Variants in SLC9A9 observed in about 807,000 individuals in gnomAD.
SLC9A9 encodes the protein solute carrier family 9 member A9.
A neutral mutation model predicts 77.8 loss-of-function variants in SLC9A9; 62 were observed. That is an observed-to-expected ratio of 0.80 (90% CI 0.65 to 0.98). The LOEUF (loss-of-function observed/expected upper bound fraction) is 0.98, where lower values mean the gene tolerates loss of function less well. Among genes scored for constraint, SLC9A9 ranks in the 50% least tolerant of loss-of-function variants. The pLI is 0.00. For synonymous variants in SLC9A9, 320 were observed against 283.5 expected (o/e 1.13, Z -1.29); for missense variants, 775 against 774.9 (o/e 1.00, Z 0.00).
chr3:143,589,025 CA>C (rs1196388036), intron 6 of SLC9A9, among the ~76,000 whole-genome samples: 2 of 152,100 alleles, frequency 1.3e-5, no homozygotes, highest in Non-Finnish European at 2.9e-5. Context: ...GATGGAAATC[CA>C]GCTAAAGTTA....
intron 12 of SLC9A9, among the ~76,000 whole-genome samples, chr3:143,429,507 A>G (rs2034470711): frequency 1.3e-5 from 2 of 152,212 alleles, no homozygotes; most frequent in African/African-American, 4.8e-5. Flanking sequence ...AGCAGAGTGG[A>G]AAGAGAAGTC....
At chr3:143,832,372 C>T in intron 1 of SLC9A9, 151 bp from the exon 2 acceptor site, 2 of 668,216 alleles carry the variant, frequency 3.0e-6, no homozygotes, top group Admixed American at 2.7e-5. Flanking sequence ...TGCATGGATA[C>T]CAGTTCAACA....
chr3:143,821,402 T>C (rs960195167), intron 2 of SLC9A9, among the ~76,000 whole-genome samples: 2 of 152,230 alleles, frequency 1.3e-5, no homozygotes, highest in Admixed American at 1.3e-4. Flanking sequence ...GTAAATCTCA[T>C]CTCAGAGATG....
intron 12 of SLC9A9, among the ~76,000 whole-genome samples, chr3:143,449,818 A>AT (rs1178303354): frequency 0.022 from 887 of 41,004 alleles, 77 homozygotes; most frequent in African/African-American, 0.13. Flanking sequence ...ATAATTATAT[A>AT]TTTACATATA....
intron 12 of SLC9A9, among the ~76,000 whole-genome samples, chr3:143,396,557 C>T (rs923853500): frequency 2.0e-5 from 3 of 152,072 alleles, no homozygotes; most frequent in African/African-American, 4.8e-5. Flanking sequence ...CAAACCTGCA[C>T]GTTGTGTACA....
At chr3:143,516,990 C>A in intron 9 of SLC9A9, 1 of 640,264 alleles carries the variant, frequency 1.6e-6, no homozygotes, top group South Asian at 2.0e-5. Flanking sequence ...ATTTGTAGTC[C>A]CTGATTAATA....
At chr3:143,613,567 AG>A (rs2108702303) in intron 6 of SLC9A9, among the ~76,000 whole-genome samples, 1 of 152,282 alleles carries the variant, frequency 6.6e-6, no homozygotes, top group Admixed American at 6.5e-5. Context: ...TTTTCATGTA[AG>A]GTCTGATGGT....
chr3:143,732,544 T>G (rs1298428792), intron 4 of SLC9A9, among the ~76,000 whole-genome samples: 2 of 152,184 alleles, frequency 1.3e-5, no homozygotes, highest in African/African-American at 4.8e-5. Context: ...TGTGACTGTC[T>G]CAATGAGACC....
chr3:143,619,470 C>A (rs1251027805), intron 6 of SLC9A9, among the ~76,000 whole-genome samples: 2 of 152,182 alleles, frequency 1.3e-5, no homozygotes, highest in Non-Finnish European at 2.9e-5. Flanking sequence ...ATACATAATG[C>A]AGACACATTT....
chr3:143,385,781 A>G (rs1316434411), intron 12 of SLC9A9, among the ~76,000 whole-genome samples: 1 of 152,180 alleles, frequency 6.6e-6, no homozygotes, highest in Non-Finnish European at 1.5e-5. Context: ...GGTGACATCC[A>G]AGGGTCTTTA....
intron 12 of SLC9A9, among the ~76,000 whole-genome samples, chr3:143,430,660 G>A (rs2034498211): frequency 6.6e-6 from 1 of 152,192 alleles, no homozygotes; most frequent in Non-Finnish European, 1.5e-5. Flanking sequence ...CCCTCTGGGG[G>A]AAGCATCATC....
chr3:143,614,915 A>T (rs1184304183), intron 6 of SLC9A9, among the ~76,000 whole-genome samples: 1 of 152,232 alleles, frequency 6.6e-6, no homozygotes, highest in African/African-American at 2.4e-5. Context: ...TGTCATGTTC[A>T]GAGTTCTTCA....
At chr3:143,277,693 G>A (rs1055927879) in intron 14 of SLC9A9, among the ~76,000 whole-genome samples, 6 of 152,198 alleles carry the variant, frequency 3.9e-5, no homozygotes, top group African/African-American at 1.4e-4. Flanking sequence ...GCTGCCACTT[G>A]CATAGAGTGA....
intron 1 of SLC9A9, among the ~76,000 whole-genome samples, chr3:143,844,456 T>G (rs2009779063): frequency 6.6e-6 from 1 of 152,116 alleles, no homozygotes; most frequent in Non-Finnish European, 1.5e-5. Context: ...AATTTGATGC[T>G]GGGGAAAAAC....
chr3:143,444,211 G>A (rs1576500569), intron 12 of SLC9A9, among the ~76,000 whole-genome samples: 2 of 152,202 alleles, frequency 1.3e-5, no homozygotes, highest in South Asian at 2.1e-4. Flanking sequence ...CCCCAGCTAC[G>A]AAATTGTTTG....
intron 12 of SLC9A9, among the ~76,000 whole-genome samples, chr3:143,398,563 T>C (rs1038641444): frequency 6.6e-6 from 1 of 152,200 alleles, no homozygotes; most frequent in Non-Finnish European, 1.5e-5. Context: ...CCATGTATTT[T>C]AGTAATTAAA....
intron 14 of SLC9A9, among the ~76,000 whole-genome samples, chr3:143,273,986 T>G (rs1458260087): frequency 6.6e-6 from 1 of 152,236 alleles, no homozygotes; most frequent in African/African-American, 2.4e-5. Flanking sequence ...ATCCCATTTG[T>G]CTCTGAACCC....
intron 14 of SLC9A9, among the ~76,000 whole-genome samples, chr3:143,289,142 G>A (rs1938466579): frequency 1.3e-5 from 2 of 152,172 alleles, no homozygotes; most frequent in South Asian, 4.1e-4. Context: ...GAGGCCAAGG[G>A]CTCTGTAATT....
intron 6 of SLC9A9, among the ~76,000 whole-genome samples, chr3:143,611,438 A>T (rs907311869): frequency 6.6e-6 from 1 of 152,202 alleles, no homozygotes; most frequent in Non-Finnish European, 1.5e-5. Context: ...ATGAAACATG[A>T]TGAGTAGAAA....
Sources: gnomAD v4.1 joint callset for allele counts (sites outside exome capture counted in the v4.1 genomes callset) on GRCh38, gnomAD v4.1.1 for gene constraint, MANE v1.5 for transcripts, NCBI Gene and HGNC (gene_info 2026-07-23, HGNC 2026-07-21) for gene names.